Variants in PAQR5 observed in about 807,000 individuals in gnomAD.
The protein encoded by PAQR5 is membrane progestin receptor gamma.
PAQR5 carries 20 observed loss-of-function variants against 34.5 expected under a neutral mutation model. The observed-to-expected ratio is 0.58, with a 90% CI of 0.41 to 0.84. The LOEUF is 0.84. Among genes scored for constraint, PAQR5 ranks in the 40% least tolerant of loss-of-function variants. The pLI, the probability that PAQR5 is intolerant of heterozygous loss-of-function variation, is 0.00. For synonymous variants in PAQR5, 131 were observed against 155.6 expected (o/e 0.84, Z 1.18); for missense variants, 378 against 412.7 (o/e 0.92, Z 0.73).
At chr15:69,333,075 GT>G (rs1052153757) in intron 1 of PAQR5, among the ~76,000 whole-genome samples, 3 of 151,946 alleles carry the variant, frequency 2.0e-5, no homozygotes, top group African/African-American at 7.3e-5. Context: ...TTTGGGACTT[GT>G]TTTTTTCCTG....
chr15:69,337,101 G>A (rs765973427), intron 1 of PAQR5, among the ~76,000 whole-genome samples: 1 of 152,218 alleles, frequency 6.6e-6, no homozygotes, highest in Non-Finnish European at 1.5e-5. Context: ...CTCGTGGAGA[G>A]CTGGTATGTT....
intron 2 of PAQR5, among the ~76,000 whole-genome samples, chr15:69,343,211 G>A (rs2054685182): frequency 6.6e-6 from 1 of 152,190 alleles, no homozygotes; most frequent in Non-Finnish European, 1.5e-5. Context: ...CCGACTATGA[G>A]TTGAGTATTT....
At chr15:69,372,096 AT>A (rs2055578335) in intron 3 of PAQR5, among the ~76,000 whole-genome samples, 1 of 152,256 alleles carries the variant, frequency 6.6e-6, no homozygotes, top group African/African-American at 2.4e-5. Context: ...GAACTATTCC[AT>A]AGAAAATCTA....
intron 2 of PAQR5, among the ~76,000 whole-genome samples, chr15:69,358,538 C>A (rs1042800156): frequency 6.6e-6 from 1 of 151,220 alleles, no homozygotes; most frequent in Non-Finnish European, 1.5e-5. Context: ...TGCTGCGGTG[C>A]GGCCTTGGGA....
At chr15:69,378,400 G>A (rs911239349) in intron 3 of PAQR5, among the ~76,000 whole-genome samples, 2 of 120,828 alleles carry the variant, frequency 1.7e-5, no homozygotes, top group Non-Finnish European at 3.2e-5. Flanking sequence ...TTGCACCACT[G>A]TACTCCAGCC....
chr15:69,338,873 A>T (rs1378127373), intron 2 of PAQR5, among the ~76,000 whole-genome samples: 1 of 152,142 alleles, frequency 6.6e-6, no homozygotes, highest in Non-Finnish European at 1.5e-5. Flanking sequence ...CCCAAAGCAG[A>T]CCTCCTTCTT....
At chr15:69,344,239 T>A (rs551879853) in intron 2 of PAQR5, among the ~76,000 whole-genome samples, 139 of 152,376 alleles carry the variant, frequency 9.1e-4, no homozygotes, top group African/African-American at 3.2e-3. Flanking sequence ...AACTTCTAGT[T>A]GTATTCAAAC....
intron 7 of PAQR5, among the ~76,000 whole-genome samples, chr15:69,399,238 T>C (rs1234710104): frequency 6.6e-6 from 1 of 152,210 alleles, no homozygotes; most frequent in Non-Finnish European, 1.5e-5. Context: ...TGAGTTCCAG[T>C]GTGAATCCAC....
intron 2 of PAQR5, among the ~76,000 whole-genome samples, chr15:69,356,397 C>T (rs2055077804): frequency 6.6e-6 from 1 of 152,112 alleles, no homozygotes; most frequent in Non-Finnish European, 1.5e-5. Context: ...ATTTTTTAAC[C>T]TGGGCAAAAT....
rs1383404585 is a variant in PAQR5 at position 69,322,756 on chromosome 15, A to G, written c.-276-14585A>G. On this transcript the variant is annotated intron_variant, in intron 1 of 8. Coordinates refer to ENST00000395407, the MANE Select transcript of PAQR5 (RefSeq NM_017705.4). ...GAAGAAGAAGAAGAAGAAGAAGAAG[A>G]AGAAGAAGAAGAAGAGGGAGAAGAA... Among the ~76,000 whole-genome samples the G allele has an allele frequency of 1.4e-3, 64 of 45,880 alleles. 6 individuals carry two copies. The highest frequency in any genetic ancestry group is 8.6e-3 in the Middle Eastern group (1 of 116). The allele number at this position is 45,880 out of a possible 152,430, so 30.1% of individuals were successfully genotyped here. A position where few individuals can be genotyped will look rare whatever the true frequency, so the allele number is the denominator to read the frequency against.
Position 69,373,672 on chromosome 15 carries a change from C to T in PAQR5, c.52-6211C>T, listed in dbSNP as rs140035845. 5.2e-4 allele frequency among the ~76,000 whole-genome samples: 79 copies of T among 152,248 alleles called. 1 individual carries two copies. The East Asian group carries it at 8.7e-3, about 17-fold the overall frequency. ...AGGCTGGAGTGCAATGGCACAATCT[C>T]GGCTTACTGCAACCTCTGCCTCCCA... On this transcript the variant is annotated intron_variant, in intron 3 of 8. Coordinates refer to ENST00000395407, the MANE Select transcript of PAQR5 (RefSeq NM_017705.4).
intron 1 of PAQR5, among the ~76,000 whole-genome samples, chr15:69,322,795 A>T (rs2054152217): frequency 7.0e-6 from 1 of 143,238 alleles, no homozygotes. Flanking sequence ...GACGAGGAAG[A>T]AGAAGAAGAG....
intron 1 of PAQR5, among the ~76,000 whole-genome samples, chr15:69,300,347 G>A (rs1191287147): frequency 6.6e-6 from 1 of 152,240 alleles, no homozygotes; most frequent in South Asian, 2.1e-4. Context: ...CCTGGCACAC[G>A]GAAGGTGCTC....
chr15:69,313,161 A>G (rs916543611), intron 1 of PAQR5, among the ~76,000 whole-genome samples: 5 of 151,866 alleles, frequency 3.3e-5, no homozygotes, highest in African/African-American at 1.2e-4. Context: ...CCCTGTCACG[A>G]CTCCCTGATA....
At position 69,397,687 on chromosome 15, in the gene PAQR5, C is replaced by G. The variant is rs1237381685; in HGVS notation, c.609+123C>G. On this transcript the variant is annotated intron_variant, in intron 7 of 8. Coordinates refer to ENST00000395407, the MANE Select transcript of PAQR5 (RefSeq NM_017705.4). Reference sequence around the variant, plus strand: ...CGCAGAACAAAACAGGAGTCGAGACCCAGGTGAAGGGGGCCAGCCCCTCCA... The same window carrying G: ...CGCAGAACAAAACAGGAGTCGAGACGCAGGTGAAGGGGGCCAGCCCCTCCA... 5 of 727,182 alleles carry G rather than the reference C, an allele frequency of 6.9e-6. No individual in the cohort carries two copies. The African/African-American group carries it at 6.9e-5, about 10-fold the overall frequency. 45.0% of individuals were successfully genotyped at this position (727,182 alleles called of 1,614,324 possible).
chr15:69,331,015 A>C (rs2054366513), intron 1 of PAQR5, among the ~76,000 whole-genome samples: 1 of 152,164 alleles, frequency 6.6e-6, no homozygotes. Context: ...GACTCTCTGT[A>C]CTGGTGGGGC....
intron 2 of PAQR5, among the ~76,000 whole-genome samples, chr15:69,342,294 A>G (rs1329560549): frequency 8.4e-5 from 1 of 11,850 alleles, no homozygotes; most frequent in Non-Finnish European, 4.6e-4. Flanking sequence ...TATTATTATT[A>G]TTATTATTAT....
intron 1 of PAQR5, among the ~76,000 whole-genome samples, chr15:69,329,303 AC>A (rs1341182418): frequency 2.0e-5 from 3 of 151,684 alleles, no homozygotes; most frequent in Non-Finnish European, 4.4e-5. Flanking sequence ...CAGGTTAAAA[AC>A]CCCCATCCTT....
chr15:69,368,800 C>T (rs2055474866), intron 3 of PAQR5, among the ~76,000 whole-genome samples: 1 of 152,090 alleles, frequency 6.6e-6, no homozygotes, highest in African/African-American at 2.4e-5. Flanking sequence ...GGGTCTTGCT[C>T]TGTCACCCAG....
Sources: gnomAD v4.1 joint callset for allele counts (sites outside exome capture counted in the v4.1 genomes callset) on GRCh38, gnomAD v4.1.1 for gene constraint, MANE v1.5 for transcripts, NCBI Gene and HGNC (gene_info 2026-07-23, HGNC 2026-07-21) for gene names.